Variants in GRM8 observed in about 807,000 individuals in gnomAD.
The protein encoded by GRM8 is glutamate metabotropic receptor 8.
GRM8 carries 47 observed loss-of-function variants against 87.2 expected under a neutral mutation model. The ratio of observed to expected loss-of-function variants is 0.54; its 90% CI spans 0.43 to 0.69. The LOEUF is 0.69. Among genes scored for constraint, GRM8 ranks in the 30% least tolerant of loss-of-function variants. The probability of loss-of-function intolerance (pLI) is 0.00; values close to 1 mark genes in which losing one functional copy is unlikely to be tolerated. For missense variants in GRM8, 1,019 were observed against 1,139.2 expected (o/e 0.89, Z 1.52); for synonymous variants, 396 against 404.5 (o/e 0.98, Z 0.25).
chr7:126,774,292 C>G (rs1328690084), intron 6 of GRM8, among the ~76,000 whole-genome samples: 1 of 152,136 alleles, frequency 6.6e-6, no homozygotes, highest in Non-Finnish European at 1.5e-5. Flanking sequence ...ATTTGATTCT[C>G]TCATTCATCT....
At chr7:126,716,588 GT>G (rs1357931537) in intron 7 of GRM8, among the ~76,000 whole-genome samples, 2 of 151,950 alleles carry the variant, frequency 1.3e-5, no homozygotes, top group African/African-American at 4.8e-5. Flanking sequence ...TGAAATGTTG[GT>G]TTTCACCTCC....
chr7:127,130,382 G>A (rs953649391), intron 2 of GRM8, among the ~76,000 whole-genome samples: 1 of 152,158 alleles, frequency 6.6e-6, no homozygotes, highest in African/African-American at 2.4e-5. Context: ...AGAATGTTTA[G>A]AACTTCCTAT....
intron 6 of GRM8, among the ~76,000 whole-genome samples, chr7:126,836,049 G>T (rs1795803128): frequency 6.6e-6 from 1 of 152,040 alleles, no homozygotes; most frequent in Non-Finnish European, 1.5e-5. Context: ...ATTCCATTTT[G>T]ATCAAAAGCA....
chr7:126,892,750 C>G (rs998470965), intron 6 of GRM8, among the ~76,000 whole-genome samples: 1 of 152,116 alleles, frequency 6.6e-6, no homozygotes, highest in Admixed American at 6.6e-5. Flanking sequence ...TACAGTCCCA[C>G]CAACAGTGTA....
At chr7:127,014,861 C>T (rs887109502) in intron 3 of GRM8, among the ~76,000 whole-genome samples, 8 of 147,552 alleles carry the variant, frequency 5.4e-5, no homozygotes, top group East Asian at 2.0e-4. Context: ...AGTCAGTTGA[C>T]GAGTAGCAAG....
At chr7:127,184,853 T>C (rs1462823818) in intron 2 of GRM8, among the ~76,000 whole-genome samples, 1 of 152,026 alleles carries the variant, frequency 6.6e-6, no homozygotes, top group Non-Finnish European at 1.5e-5. Context: ...CCAATTTGTA[T>C]TTGAAATGAG....
chr7:127,088,871 C>T (rs1051904011), intron 3 of GRM8, among the ~76,000 whole-genome samples: 5 of 152,236 alleles, frequency 3.3e-5, no homozygotes, highest in Non-Finnish European at 5.9e-5. Flanking sequence ...AAGTGAATAG[C>T]ACCTTCCCCA....
In GRM8 at chr7:126,720,309, T is replaced by A. The variant is rs1201581763; in HGVS notation, c.1357+49556A>T. Among the ~76,000 whole-genome samples the A allele has an allele frequency of 2.0e-5, 3 of 151,966 alleles. No homozygotes were observed. The East Asian group carries it at 5.8e-4, about 29-fold the overall frequency. On this transcript the variant is annotated intron_variant, in intron 7 of 10. Coordinates refer to ENST00000339582, the MANE Select transcript of GRM8 (RefSeq NM_000845.3). ...GGCATGTGCCACCAAACCTGGATAA[T>A]TTTTTAAATTTTTTTTTGTAGAGAC...
At chr7:126,596,358 T>A (rs1016837355) in intron 8 of GRM8, among the ~76,000 whole-genome samples, 13 of 152,182 alleles carry the variant, frequency 8.5e-5, no homozygotes, top group African/African-American at 2.4e-5. Context: ...TTCTGACTGA[T>A]GTGAAATGGC....
intron 3 of GRM8, among the ~76,000 whole-genome samples, chr7:126,960,636 T>A (rs888615211): frequency 1.3e-5 from 2 of 152,214 alleles, no homozygotes; most frequent in African/African-American, 4.8e-5. Context: ...AGCCTTAGAC[T>A]AATACCTAGA....
At chr7:127,060,875 T>G (rs1430255746) in intron 3 of GRM8, among the ~76,000 whole-genome samples, 1 of 152,144 alleles carries the variant, frequency 6.6e-6, no homozygotes, top group Non-Finnish European at 1.5e-5. Context: ...AGTAGAATAA[T>G]CACCCATCAT....
At chr7:127,167,573 A>G (rs1179458318) in intron 2 of GRM8, among the ~76,000 whole-genome samples, 5 of 152,006 alleles carry the variant, frequency 3.3e-5, no homozygotes, top group Non-Finnish European at 5.9e-5. Flanking sequence ...CAATGTTTCA[A>G]ACTTTTTCAT....
intron 6 of GRM8, among the ~76,000 whole-genome samples, chr7:126,801,424 T>C (rs1822672094): frequency 6.6e-6 from 1 of 152,220 alleles, no homozygotes; most frequent in Admixed American, 6.5e-5. Flanking sequence ...TTAAAGGTTG[T>C]TGTTGATATA....
At chr7:126,519,823 A>G (rs1255352808) in intron 9 of GRM8, among the ~76,000 whole-genome samples, 1 of 152,148 alleles carries the variant, frequency 6.6e-6, no homozygotes, top group African/African-American at 2.4e-5. Context: ...TTAAAATTAA[A>G]CAGATTCCAC....
At chr7:126,604,159 A>C (rs1323916977) in intron 8 of GRM8, among the ~76,000 whole-genome samples, 1 of 152,172 alleles carries the variant, frequency 6.6e-6, no homozygotes, top group Non-Finnish European at 1.5e-5. Context: ...AAATACATAC[A>C]TTCAATTAAA....
chr7:127,125,284 A>G (rs1361039248), intron 2 of GRM8, among the ~76,000 whole-genome samples: 5 of 152,152 alleles, frequency 3.3e-5, no homozygotes, highest in African/African-American at 1.2e-4. Context: ...AAAGCTAGAT[A>G]TAGAGATTAA....
chr7:126,842,850 T>A (rs1172672789), intron 6 of GRM8, among the ~76,000 whole-genome samples: 1 of 152,180 alleles, frequency 6.6e-6, no homozygotes, highest in Admixed American at 6.5e-5. Flanking sequence ...TTGATTTTCA[T>A]CCAGAGAGAC....
chr7:126,914,379 A>G (rs936858993), intron 3 of GRM8, among the ~76,000 whole-genome samples: 3 of 152,224 alleles, frequency 2.0e-5, no homozygotes, highest in Non-Finnish European at 4.4e-5. Context: ...CAAAGAACCA[A>G]AAACAGAACT....
intron 4 of GRM8, 95 bp downstream of exon 4, chr7:126,904,453 G>A: frequency 1.7e-6 from 2 of 1,176,356 alleles, no homozygotes; most frequent in Non-Finnish European, 2.5e-6. Flanking sequence ...TTATTGGAAG[G>A]CAATTACAAG....
Sources: allele counts gnomAD v4.1 joint callset (sites outside exome capture counted in the v4.1 genomes callset), GRCh38; gene constraint gnomAD v4.1.1; transcripts MANE v1.5; gene names NCBI Gene and HGNC (gene_info 2026-07-23, HGNC 2026-07-21).